PRKCE: variants seen among roughly 807,000 people sequenced by gnomAD.
PRKCE encodes the protein protein kinase C epsilon, also known as protein kinase C epsilon type.
A neutral mutation model predicts 85.4 loss-of-function variants in PRKCE; 16 were observed. The observed-to-expected ratio is 0.19, with a 90% confidence interval of 0.13 to 0.28. The LOEUF (loss-of-function observed/expected upper bound fraction) is 0.28. Ranked by LOEUF, PRKCE falls within the 10% of genes least tolerant of loss-of-function variation. PRKCE has a pLI of 1.00. For missense variants in PRKCE, 573 were observed against 975.2 expected (o/e 0.59, Z 5.49); for synonymous variants, 388 against 371.5 (o/e 1.04, Z -0.51).
At chr2:45,942,090 C>G (rs1699916480) in intron 2 of PRKCE, among the ~76,000 whole-genome samples, 1 of 152,188 alleles carries the variant, frequency 6.6e-6, no homozygotes, top group African/African-American at 2.4e-5. Context: ...CTGGCATGGT[C>G]CATGGAATGT....
At chr2:45,796,161 C>G (rs897178402) in intron 1 of PRKCE, among the ~76,000 whole-genome samples, 1 of 152,138 alleles carries the variant, frequency 6.6e-6, no homozygotes, top group Non-Finnish European at 1.5e-5. Flanking sequence ...TCCAGGTTCT[C>G]CATTCCCATG....
At chr2:45,800,683 CA>C (rs1226117611) in intron 1 of PRKCE, among the ~76,000 whole-genome samples, 1 of 152,204 alleles carries the variant, frequency 6.6e-6, no homozygotes, top group Non-Finnish European at 1.5e-5. Context: ...CAAGGAGTTT[CA>C]ACCTATGGGG....
At chr2:45,932,716 G>T (rs1273641693) in intron 2 of PRKCE, among the ~76,000 whole-genome samples, 1 of 152,124 alleles carries the variant, frequency 6.6e-6, no homozygotes, top group African/African-American at 2.4e-5. Flanking sequence ...GGACAACCAT[G>T]ACCACTATCC....
At chr2:46,045,443 G>A (rs1016851512) in intron 10 of PRKCE, among the ~76,000 whole-genome samples, 2 of 152,226 alleles carry the variant, frequency 1.3e-5, no homozygotes, top group Non-Finnish European at 2.9e-5. Context: ...ACAGGCTAGC[G>A]CCAGGTTCAT....
intron 1 of PRKCE, among the ~76,000 whole-genome samples, chr2:45,735,286 C>G (rs1485374354): frequency 6.6e-6 from 1 of 152,258 alleles, no homozygotes; most frequent in Non-Finnish European, 1.5e-5. Context: ...GCAGGCTCTC[C>G]TTTGGCTCAG....
chr2:46,026,027 A>G (rs1707082086), intron 10 of PRKCE, among the ~76,000 whole-genome samples: 1 of 152,168 alleles, frequency 6.6e-6, no homozygotes, highest in Admixed American at 6.5e-5. Context: ...TGATCAATAG[A>G]TATGATTCTT....
chr2:45,683,916 TG>T lies in PRKCE; in HGVS notation c.348+31470del, dbSNP rs1465424217. 2.0e-5 allele frequency among the ~76,000 whole-genome samples: 3 copies of T among 152,166 alleles called. No individual in the cohort carries two copies. In the East Asian group the frequency reaches 5.8e-4, roughly 29 times the overall value. On this transcript the variant is annotated intron_variant, in intron 1 of 14. Coordinates refer to ENST00000306156, the MANE Select transcript of PRKCE (RefSeq NM_005400.3). ...GCAGCCAATTCTCAATCATTTCTTG[TG>T]GTGGGGGACAGAAATAATGTGGGAA...
intron 2 of PRKCE, among the ~76,000 whole-genome samples, chr2:45,861,963 A>G (rs1409923028): frequency 6.6e-6 from 1 of 152,220 alleles, no homozygotes; most frequent in Non-Finnish European, 1.5e-5. Flanking sequence ...TTGTGTGAAA[A>G]TGAGGAAAGA....
intron 11 of PRKCE, among the ~76,000 whole-genome samples, chr2:46,129,278 C>G (rs1292109424): frequency 6.6e-6 from 1 of 152,172 alleles, no homozygotes; most frequent in African/African-American, 2.4e-5. Context: ...AGCCAAGTCT[C>G]AGAATGATAC....
chr2:45,918,725 C>T (rs975683712), intron 2 of PRKCE, among the ~76,000 whole-genome samples: 3 of 152,130 alleles, frequency 2.0e-5, no homozygotes, highest in Non-Finnish European at 4.4e-5. Context: ...CCAGAGTCCT[C>T]TGCAGTGGGC....
At chr2:45,921,354 A>C (rs1698233920) in intron 2 of PRKCE, among the ~76,000 whole-genome samples, 1 of 152,262 alleles carries the variant, frequency 6.6e-6, no homozygotes, top group Non-Finnish European at 1.5e-5. Context: ...TGTAAAAAAA[A>C]CACATACGTA....
intron 2 of PRKCE, among the ~76,000 whole-genome samples, chr2:45,902,094 A>G (rs1696620671): frequency 6.6e-6 from 1 of 152,084 alleles, no homozygotes; most frequent in South Asian, 2.1e-4. Context: ...AAAATCTCCA[A>G]CCCTCTCAGG....
chr2:45,654,205 G>C (rs867815048), intron 1 of PRKCE, among the ~76,000 whole-genome samples: 5 of 152,244 alleles, frequency 3.3e-5, no homozygotes, highest in South Asian at 2.1e-4. Context: ...TTTATCCATA[G>C]AACAGATGTT....
At chr2:45,847,486 G>A (rs1294239064) in intron 2 of PRKCE, among the ~76,000 whole-genome samples, 4 of 152,228 alleles carry the variant, frequency 2.6e-5, no homozygotes, top group African/African-American at 4.8e-5. Context: ...ACAGGCAGAC[G>A]TGATCAAACC....
intron 6 of PRKCE, among the ~76,000 whole-genome samples, chr2:45,987,104 T>C (rs560843819): frequency 3.9e-5 from 6 of 151,946 alleles, no homozygotes; most frequent in South Asian, 2.1e-4. Flanking sequence ...ATCATAAATA[T>C]TGATATTTTA....
intron 2 of PRKCE, among the ~76,000 whole-genome samples, chr2:45,880,633 A>G (rs1368057114): frequency 2.0e-5 from 3 of 152,178 alleles, no homozygotes; most frequent in African/African-American, 4.8e-5. Context: ...AGCAGGGAGT[A>G]TATGTATACC....
chr2:45,771,314 C>T (rs2104914441), intron 1 of PRKCE, among the ~76,000 whole-genome samples: 1 of 152,326 alleles, frequency 6.6e-6, no homozygotes, highest in Non-Finnish European at 1.5e-5. Flanking sequence ...CTCCAAGAGG[C>T]TCACGTTAGG....
intron 2 of PRKCE, among the ~76,000 whole-genome samples, chr2:45,898,053 G>C (rs768079089): frequency 6.6e-6 from 1 of 152,190 alleles, no homozygotes; most frequent in Non-Finnish European, 1.5e-5. Flanking sequence ...TGCACACCAG[G>C]CACAGGCGTG....
In PRKCE at chr2:45,721,712, C is replaced by G. The variant is rs558341271; in HGVS notation, c.348+69264C>G. Among the ~76,000 whole-genome samples the G allele has an allele frequency of 9.2e-4, 140 of 151,906 alleles. 2 individuals carry two copies. Among genetic ancestry groups the G allele is most frequent in the Non-Finnish European group, 1.8e-3 (121 of 67,956 alleles). On this transcript the variant is annotated intron_variant, in intron 1 of 14. Coordinates refer to ENST00000306156, the MANE Select transcript of PRKCE (RefSeq NM_005400.3). ...GGCAACAAGCTAAACCCCATCTCCA[C>G]AAAAAAATTAAAAAATTAGCCAGGC...
Sources: gnomAD v4.1 joint callset for allele counts (sites outside exome capture counted in the v4.1 genomes callset) on GRCh38, gnomAD v4.1.1 for gene constraint, MANE v1.5 for transcripts, NCBI Gene and HGNC (gene_info 2026-07-23, HGNC 2026-07-21) for gene names.